CDC14B: variants seen among roughly 807,000 people sequenced by gnomAD.
The protein encoded by CDC14B is dual specificity protein phosphatase CDC14B.
A neutral mutation model predicts 64.2 loss-of-function variants in CDC14B; 22 were observed. The observed-to-expected ratio is 0.34, with a 90% CI of 0.24 to 0.49. The LOEUF is 0.49. CDC14B is among the 20% of genes least tolerant of loss of function. The pLI, the probability that CDC14B is intolerant of heterozygous loss-of-function variation, is 0.99. For synonymous variants in CDC14B, 191 were observed against 215.8 expected (o/e 0.89, Z 1.01); for missense variants, 498 against 629.9 (o/e 0.79, Z 2.24).
At chr9:96,553,684 A>C (rs1380573750) in intron 4 of CDC14B, among the ~76,000 whole-genome samples, 3 of 152,046 alleles carry the variant, frequency 2.0e-5, no homozygotes, top group African/African-American at 7.2e-5. Context: ...TCTAAGCATC[A>C]ACCTATAAGT....
At chr9:96,578,834 TTTGAGACGGAGTCTCACTCTG>T (rs1317521691) in intron 1 of CDC14B, among the ~76,000 whole-genome samples, 2 of 152,244 alleles carry the variant, frequency 1.3e-5, no homozygotes, top group Non-Finnish European at 2.9e-5. Flanking sequence ...TTTTCTTTTC[TTTGAGACGGAGTCTCACTCTG>T]TTGCCCAGGC....
intron 7 of CDC14B, among the ~76,000 whole-genome samples, chr9:96,538,468 C>T (rs563817947): frequency 6.6e-6 from 1 of 152,304 alleles, no homozygotes; most frequent in Admixed American, 6.5e-5. Context: ...ATCTGTGATC[C>T]TAGCACTTTG....
rs552967568 is a variant in CDC14B, at chr9:96,575,232, G to A, written c.161-9749C>T. Among the ~76,000 whole-genome samples, 13 of 152,272 alleles carry A rather than the reference G, an allele frequency of 8.5e-5. No homozygotes were observed. The South Asian group carries it at 2.7e-3, about 32-fold the overall frequency. On this transcript the variant is annotated intron_variant, in intron 1 of 13. Coordinates refer to ENST00000375241, the MANE Select transcript of CDC14B (RefSeq NM_033331.4). ...CTAGAATCTGTCCTTGTGGTTGTCCGATGTGCCAGTGGCTGCTTGCGCAAG... is the reference window on the plus strand; with the variant it reads ...CTAGAATCTGTCCTTGTGGTTGTCCAATGTGCCAGTGGCTGCTTGCGCAAG...
At chr9:96,523,180 C>T (rs988662522) in intron 11 of CDC14B, 81 bp downstream of exon 11, 5 of 1,414,580 alleles carry the variant, frequency 3.5e-6, no homozygotes, top group African/African-American at 2.9e-5. Context: ...ATTATTTTAC[C>T]TACGGTTTTC....
intron 1 of CDC14B, among the ~76,000 whole-genome samples, chr9:96,591,695 A>G (rs1588043344): frequency 6.6e-6 from 1 of 152,134 alleles, no homozygotes; most frequent in East Asian, 1.9e-4. Flanking sequence ...TAACAATATT[A>G]AGTCTTCCGA....
At chr9:96,615,759 A>G (rs73656913) in intron 1 of CDC14B, among the ~76,000 whole-genome samples, 7,003 of 152,286 alleles carry the variant, frequency 0.046, 558 homozygotes, top group African/African-American at 0.16. Flanking sequence ...TACTGAAAAC[A>G]TGTCCATGCA....
downstream of CDC14B, among the ~76,000 whole-genome samples, chr9:96,499,071 T>G (rs1174293055): frequency 6.6e-6 from 1 of 152,230 alleles, no homozygotes; most frequent in African/African-American, 2.4e-5. Flanking sequence ...TGGCGCCAGC[T>G]GCCTGAGCTC....
chr9:96,591,198 T>A (rs968421327), intron 1 of CDC14B, among the ~76,000 whole-genome samples: 1 of 152,196 alleles, frequency 6.6e-6, no homozygotes, highest in Non-Finnish European at 1.5e-5. Context: ...TCATGAGGCA[T>A]TTTCCTATGC....
Position 96,523,891 on chromosome 9 carries a change from T to C in CDC14B, c.947-166A>G, listed in dbSNP as rs1837163122. 2.6e-5 allele frequency among the ~76,000 whole-genome samples: 4 copies of C among 152,242 alleles called. No homozygotes were observed. In the South Asian group the frequency reaches 6.2e-4, roughly 24 times the overall value. ...ATCACCTAGAGAGGTTTTTAAATACTGATGCCCGGTCTCACATCCGGAATG... is the reference window on the plus strand; with the variant it reads ...ATCACCTAGAGAGGTTTTTAAATACCGATGCCCGGTCTCACATCCGGAATG... On this transcript the variant is annotated intron_variant, in intron 9 of 13. Transcript: ENST00000375241.
At chr9:96,495,304 G>A (rs1308320128), downstream of CDC14B, among the ~76,000 whole-genome samples, 1 of 143,488 alleles carries the variant, frequency 7.0e-6, no homozygotes, top group Non-Finnish European at 1.5e-5. Context: ...CTGAGGCAGG[G>A]TAAGACATTT....
chr9:96,495,523 G>A (rs1833207530), downstream of CDC14B, among the ~76,000 whole-genome samples: 1 of 152,182 alleles, frequency 6.6e-6, no homozygotes, highest in Non-Finnish European at 1.5e-5. Context: ...CTGGCCACGG[G>A]TCTTGCGTCA....
At chr9:96,529,415 A>C (rs994866747) in intron 9 of CDC14B, among the ~76,000 whole-genome samples, 1 of 151,108 alleles carries the variant, frequency 6.6e-6, no homozygotes, top group Non-Finnish European at 1.5e-5. Context: ...TGAGCTCTCT[A>C]TCCTATCACT....
intron 9 of CDC14B, among the ~76,000 whole-genome samples, chr9:96,525,901 T>G (rs1837478790): frequency 6.6e-6 from 1 of 152,080 alleles, no homozygotes; most frequent in African/African-American, 2.4e-5. Flanking sequence ...GGACATAAAT[T>G]TGAGGGGGGC....
At chr9:96,535,930 G>A (rs1200668194) in intron 7 of CDC14B, among the ~76,000 whole-genome samples, 1 of 152,150 alleles carries the variant, frequency 6.6e-6, no homozygotes, top group Non-Finnish European at 1.5e-5. Flanking sequence ...GAAAAGGAAA[G>A]GTCAAAGCAG....
At chr9:96,533,789 G>T in intron 9 of CDC14B, 138 bp downstream of exon 9, 1 of 558,082 alleles carries the variant, frequency 1.8e-6, no homozygotes, top group Non-Finnish European at 3.2e-6. Flanking sequence ...CTTTTCATCT[G>T]AAATCAAAGG....
chr9:96,534,163 T>A lies in CDC14B; in HGVS notation c.716-6A>T, dbSNP rs1201816639. 6.6e-7 allele frequency: 1 copy of A among 1,526,656 alleles called. No individual in the cohort carries two copies. Among genetic ancestry groups the A allele is most frequent in the African/African-American group, 1.4e-5 (1 of 73,012 alleles). 94.6% of individuals were successfully genotyped at this position (1,526,656 alleles called of 1,614,324 possible). On this transcript the variant is annotated splice_polypyrimidine_tract_variant and splice_region_variant and intron_variant, in intron 8 of 13. Transcript: ENST00000375241. Reference sequence around the variant, plus strand: ...AGGAGAATGTTGGTGGTAACCTACATAAAGAAATGCACCAGATCTTATAAA... The same window carrying A: ...AGGAGAATGTTGGTGGTAACCTACAAAAAGAAATGCACCAGATCTTATAAA...
rs1191463845 is a variant in CDC14B, at chr9:96,515,999, A to C, written c.1344-6210T>G. ...AAAATGCTGTGTTTAAACAGGTTTC[A>C]TACTTTGGGACTCAGTCACTAGTGA... On this transcript the variant is annotated intron_variant, in intron 12 of 13. Transcript: ENST00000375241. This position sits in a 1 kb window ranked among gnomAD's most constrained non-coding sequence, Gnocchi z 4.3. Among the ~76,000 whole-genome samples the C allele has an allele frequency of 1.3e-5, 2 of 152,246 alleles. No homozygotes were observed. Among genetic ancestry groups the C allele is most frequent in the East Asian group, 3.8e-4 (2 of 5,206 alleles).
intron 5 of CDC14B, among the ~76,000 whole-genome samples, chr9:96,550,049 AGAG>A (rs16911197): frequency 0.018 from 2,722 of 152,330 alleles, 77 homozygotes; most frequent in African/African-American, 0.062. Context: ...ATTATAAAGA[AGAG>A]TTCTATAGAA....
intron 1 of CDC14B, among the ~76,000 whole-genome samples, chr9:96,573,035 G>A (rs978071301): frequency 3.3e-5 from 5 of 152,218 alleles, no homozygotes; most frequent in East Asian, 1.9e-4. Flanking sequence ...GAAGCCAGGC[G>A]TGGTGGCTTA....
Sources: gnomAD v4.1 joint callset for allele counts (sites outside exome capture counted in the v4.1 genomes callset) on GRCh38, gnomAD v4.1.1 for gene constraint, Gnocchi (gnomAD v3.1) non-coding constraint, MANE v1.5 for transcripts, NCBI Gene and HGNC (gene_info 2026-07-23, HGNC 2026-07-21) for gene names.